Variants in NRK observed in about 807,000 individuals in gnomAD.
The protein encoded by NRK is nik-related protein kinase.
A neutral mutation model predicts 125.2 loss-of-function variants in NRK; 67 were observed. The observed-to-expected ratio is 0.54, with a 90% CI of 0.44 to 0.66. The LOEUF is 0.66. NRK is among the 30% of genes least tolerant of loss of function. The pLI is 0.00. For synonymous variants in NRK, 458 were observed against 429.0 expected (o/e 1.07, Z -0.84); for missense variants, 1,224 against 1,192.9 (o/e 1.03, Z -0.38).
At chrX:105,843,902 TCAAAAAAAA>T (rs2039362153) in intron 2 of NRK, among the ~76,000 whole-genome samples, 1 of 109,957 alleles carries the variant, frequency 9.1e-6, no homozygotes, top group South Asian at 3.9e-4. Context: ...TTAGTAGATT[TCAAAAAAAA>T]AATTAATGGC....
intron 18 of NRK, among the ~76,000 whole-genome samples, chrX:105,924,013 C>A (rs1184152059): frequency 2.9e-5 from 3 of 104,426 alleles, no homozygotes; most frequent in Non-Finnish European, 5.9e-5. Context: ...AAAAGTCTAT[C>A]AAGAATTCCA....
intron 16 of NRK, among the ~76,000 whole-genome samples, chrX:105,919,043 C>T (rs2040404196): frequency 9.9e-6 from 1 of 100,606 alleles, no homozygotes; most frequent in African/African-American, 3.7e-5. Context: ...ACAACAGTGT[C>T]AGAAGATGGG....
At chrX:105,865,305 G>A (rs149205762) in intron 2 of NRK, among the ~76,000 whole-genome samples, 352 of 111,257 alleles carry the variant, frequency 3.2e-3, no homozygotes, top group Non-Finnish European at 4.8e-3. Context: ...TCCTTAAGGA[G>A]GCCCCTGAGT....
chrX:105,950,527 A>AGT (rs56383254), intron 27 of NRK, among the ~76,000 whole-genome samples: 6,328 of 77,882 alleles, frequency 0.081, 218 homozygotes, highest in Middle Eastern at 0.14. Context: ...AAAAGGCAGC[A>AGT]GTGTGTGTGT....
At chrX:105,872,853 C>T (rs142837498) in intron 2 of NRK, among the ~76,000 whole-genome samples, 1,895 of 110,904 alleles carry the variant, frequency 0.017, 35 homozygotes, top group African/African-American at 0.06. Flanking sequence ...CTGACAAAAA[C>T]CATCTTGTCA....
At chrX:105,902,638 G>A (rs981154794) in intron 9 of NRK, among the ~76,000 whole-genome samples, 1 of 111,857 alleles carries the variant, frequency 8.9e-6, no homozygotes, top group South Asian at 3.8e-4. Flanking sequence ...CCAAACCCTG[G>A]GCCACACAGC....
At chrX:105,841,391 C>T (rs6652932) in intron 2 of NRK, among the ~76,000 whole-genome samples, 1 of 111,568 alleles carries the variant, frequency 9.0e-6, no homozygotes, top group East Asian at 2.8e-4. Context: ...TCCTCCTCTA[C>T]CAGAGCATAA....
At chrX:105,907,002 G>T (rs2040229629) in intron 11 of NRK, among the ~76,000 whole-genome samples, 1 of 110,520 alleles carries the variant, frequency 9.0e-6, no homozygotes, top group Non-Finnish European at 1.9e-5. Flanking sequence ...GAGATAAATG[G>T]ATTTGTAATT....
In NRK at chrX:105,956,071, A is replaced by G. The variant is rs1313815549; in HGVS notation, c.*471A>G. The G allele has an allele frequency of 8.9e-6, 1 of 112,290 alleles. No homozygotes were observed. Among genetic ancestry groups the G allele is most frequent in the Admixed American group, 9.5e-5 (1 of 10,534 alleles). The allele number at this position is 112,290 out of a possible 1,213,427, so 9.3% of individuals were successfully genotyped here. The stretch of plus-strand genomic sequence containing the variant: ...GGTTTAGTCAAGAAACAAAAATCTT[A>G]AAGATTATTATAACCCAGACTAAGG... On this transcript the variant is annotated 3_prime_UTR_variant, in exon 29 of 29. Coordinates refer to ENST00000243300, the MANE Select transcript of NRK (RefSeq NM_198465.4).
At chrX:105,886,574 T>C (rs1391071031) in intron 4 of NRK, among the ~76,000 whole-genome samples, 1 of 104,450 alleles carries the variant, frequency 9.6e-6, no homozygotes, top group Non-Finnish European at 1.9e-5. Flanking sequence ...TATGCATTTA[T>C]CTCTGTCATA....
At chrX:105,831,800 C>A (rs756663002) in intron 2 of NRK, among the ~76,000 whole-genome samples, 1 of 111,551 alleles carries the variant, frequency 9.0e-6, no homozygotes, top group East Asian at 2.8e-4. Context: ...ACTTCTGTAT[C>A]TGTGCGTTCC....
At chrX:105,925,783 C>CT (rs2040516298) in intron 19 of NRK, among the ~76,000 whole-genome samples, 2 of 111,424 alleles carry the variant, frequency 1.8e-5, no homozygotes, top group African/African-American at 3.3e-5. Flanking sequence ...AGATTTCATT[C>CT]TTTTTTATGG....
chrX:105,911,754 A>G (rs1450750077), intron 13 of NRK, among the ~76,000 whole-genome samples: 1 of 111,819 alleles, frequency 8.9e-6, no homozygotes, highest in Non-Finnish European at 1.9e-5. Context: ...GATGAACCCT[A>G]GTAATCAATT....
intron 19 of NRK, among the ~76,000 whole-genome samples, chrX:105,926,935 T>G (rs1343565121): frequency 9.0e-6 from 1 of 111,556 alleles, no homozygotes; most frequent in Non-Finnish European, 1.9e-5. Flanking sequence ...GTATTATTCT[T>G]TTTCCTCAGG....
At chrX:105,949,785 G>A (rs911844350) in intron 27 of NRK, 51 bp downstream of exon 27, 29 of 826,044 alleles carry the variant, frequency 3.5e-5, no homozygotes, top group East Asian at 1.1e-4. Flanking sequence ...AATTTACAAG[G>A]GTAAAAAAGT....
At chrX:105,937,610 G>A in intron 22 of NRK, 28 bp downstream of exon 22, 1 of 1,110,675 alleles carries the variant, frequency 9.0e-7, no homozygotes, top group Middle Eastern at 2.5e-4. Context: ...AATTAGCTGA[G>A]TAATTATGCA....
intron 18 of NRK, among the ~76,000 whole-genome samples, chrX:105,923,905 ATATATATATATATATATATATG>A (rs1172880311): frequency 1.2e-5 from 1 of 86,306 alleles, no homozygotes; most frequent in African/African-American, 5.0e-5. Flanking sequence ...ATATATATAT[ATATATATATATATATATATATG>A]TGAAATTTAA....
intron 17 of NRK, 101 bp from the exon 18 acceptor site, chrX:105,923,017 A>G (rs775468758): frequency 1.2e-6 from 1 of 864,262 alleles, no homozygotes; most frequent in South Asian, 2.7e-5. Context: ...TCCTTGTTTC[A>G]GTTTAAAATA....
chrX:105,865,709 A>G (rs2039659746), intron 2 of NRK, among the ~76,000 whole-genome samples: 1 of 111,642 alleles, frequency 9.0e-6, no homozygotes, highest in South Asian at 3.8e-4. Context: ...GAAATAAATC[A>G]TCTATCTTTA....
Sources: gnomAD v4.1 joint callset for allele counts (sites outside exome capture counted in the v4.1 genomes callset) on GRCh38, gnomAD v4.1.1 for gene constraint, MANE v1.5 for transcripts, NCBI Gene and HGNC (gene_info 2026-07-23, HGNC 2026-07-21) for gene names.